LRRC28: variants seen among roughly 807,000 people sequenced by gnomAD.
LRRC28 encodes leucine-rich repeat-containing protein 28.
A neutral mutation model predicts 45.7 loss-of-function variants in LRRC28; 39 were observed. That is an observed-to-expected ratio of 0.85 (90% CI 0.66 to 1.12). The LOEUF is 1.12. Ranked by LOEUF, LRRC28 falls within the 50% of genes most tolerant of loss-of-function variation. LRRC28 has a pLI of 0.00. For missense variants in LRRC28, 435 were observed against 438.5 expected (o/e 0.99, Z 0.07); for synonymous variants, 206 against 178.8 (o/e 1.15, Z -1.22).
intron 5 of LRRC28, among the ~76,000 whole-genome samples, chr15:99,317,795 A>G (rs1955650369): frequency 6.6e-6 from 1 of 152,212 alleles, no homozygotes; most frequent in Non-Finnish European, 1.5e-5. Flanking sequence ...TGACTTATAA[A>G]ACACATGTCA....
In LRRC28 at chr15:99,386,309, CTG is replaced by C; in HGVS notation, c.*211_*212del. The C allele has an allele frequency of 2.0e-6, 1 of 505,044 alleles. No individual in the cohort carries two copies. The highest frequency in any genetic ancestry group is 3.5e-5 in the South Asian group (1 of 28,916). 31.3% of individuals were successfully genotyped at this position (505,044 alleles called of 1,614,324 possible). A position where few individuals can be genotyped will look rare whatever the true frequency, so the allele number is the denominator to read the frequency against. Reference sequence around the variant, plus strand: ...CCCAAATTAAGGACCCATTTGTCTTCTGTGTTTTTCCTTTTTATGTGAGTGTG... The same window carrying C: ...CCCAAATTAAGGACCCATTTGTCTTCTGTTTTTCCTTTTTATGTGAGTGTG... On this transcript the variant is annotated 3_prime_UTR_variant, in exon 10 of 10. Transcript: ENST00000301981.
In LRRC28 at chr15:99,386,134, G is replaced by T. The variant is rs773647642; in HGVS notation, c.*32G>T. 1.3e-5 allele frequency: 20 copies of T among 1,568,640 alleles called. No individual in the cohort carries two copies. Among genetic ancestry groups the T allele is most frequent in the Non-Finnish European group, 1.7e-5 (19 of 1,138,624 alleles). On this transcript the variant is annotated 3_prime_UTR_variant, in exon 10 of 10. Transcript: ENST00000301981. ...CTCAAGAACCTCAGGAGCGCTGCCA[G>T]CTTGACACTGGGGAATCCAGCCAGT...
intron 7 of LRRC28, among the ~76,000 whole-genome samples, chr15:99,354,607 CTGTT>C (rs142473470): frequency 0.019 from 2,935 of 152,326 alleles, 44 homozygotes; most frequent in Middle Eastern, 0.051. Context: ...AGCAACTACT[CTGTT>C]TGGTCACTGT....
rs754586317 is a variant in LRRC28, at chr15:99,363,162, T to C, written c.928T>C (p.Cys310Arg). ...LPRSLLELLH[C>R]PLGHCHRCSE... ...CAGAAGTCTCCTAGAGCTGCTGCAC[T>C]GCCCTCTGGGGCACTGTCATCGGTG... Residue 310 changes from cysteine to arginine, a missense_variant, in exon 9 of 10, where the codon TGC (cysteine) becomes CGC (arginine). By Grantham distance (180) the Cys-to-Arg change is radical. Coordinates refer to ENST00000301981, the MANE Select transcript of LRRC28 (RefSeq NM_144598.5). 1.2e-6 allele frequency: 2 copies of C among 1,614,058 alleles called. No individual in the cohort carries two copies. The highest frequency in any genetic ancestry group is 1.7e-6 in the Non-Finnish European group (2 of 1,179,902).
At chr15:99,367,296 T>C (rs76877126) in intron 9 of LRRC28, among the ~76,000 whole-genome samples, 237 of 152,332 alleles carry the variant, frequency 1.6e-3, no homozygotes, top group Non-Finnish European at 2.9e-3. Context: ...GACAGAGTAA[T>C]TGAGATTGGG....
intron 9 of LRRC28, among the ~76,000 whole-genome samples, chr15:99,371,074 C>G (rs1957471530): frequency 6.9e-6 from 1 of 145,872 alleles, no homozygotes; most frequent in East Asian, 2.0e-4. Flanking sequence ...CCACTGCACT[C>G]CAGGGTGGGT....
chr15:99,274,252 A>G (rs144011778), intron 2 of LRRC28, among the ~76,000 whole-genome samples: 59 of 152,378 alleles, frequency 3.9e-4, no homozygotes, highest in African/African-American at 1.4e-3. Flanking sequence ...GGATATGTAT[A>G]TATAAGCAGT....
intron 6 of LRRC28, among the ~76,000 whole-genome samples, chr15:99,336,480 T>G (rs1051462887): frequency 1.3e-5 from 2 of 152,222 alleles, no homozygotes; most frequent in South Asian, 4.1e-4. Context: ...TGAGCATCTT[T>G]TAGTTGTTGT....
At chr15:99,315,294 G>T (rs1404170287) in intron 5 of LRRC28, among the ~76,000 whole-genome samples, 1 of 148,110 alleles carries the variant, frequency 6.8e-6, no homozygotes, top group Admixed American at 6.7e-5. Flanking sequence ...ATTGTTTTAG[G>T]TGCTGTTTAG....
At chr15:99,255,860 A>C in intron 1 of LRRC28, 38 bp from the exon 2 acceptor site, 1 of 1,365,432 alleles carries the variant, frequency 7.3e-7, no homozygotes, top group Non-Finnish European at 9.8e-7. Flanking sequence ...TCTTGTAAAA[A>C]ATCTTACAAT....
chr15:99,279,437 T>C (rs1391128684), intron 3 of LRRC28, among the ~76,000 whole-genome samples: 1 of 152,212 alleles, frequency 6.6e-6, no homozygotes, highest in East Asian at 1.9e-4. Context: ...CAGTTTACAG[T>C]GGTTTTTGCC....
At chr15:99,288,141 G>C (rs547809925) in intron 5 of LRRC28, among the ~76,000 whole-genome samples, 190 bp downstream of exon 5, 2 of 152,282 alleles carry the variant, frequency 1.3e-5, no homozygotes, top group Non-Finnish European at 2.9e-5. Context: ...TAAGAAGGTA[G>C]AATTTATATT....
intron 2 of LRRC28, among the ~76,000 whole-genome samples, chr15:99,275,935 G>A (rs555592121): frequency 2.0e-5 from 3 of 152,140 alleles, no homozygotes; most frequent in Non-Finnish European, 2.9e-5. Context: ...GCAAGCAAGC[G>A]AAGCTTCATC....
intron 2 of LRRC28, among the ~76,000 whole-genome samples, chr15:99,260,222 A>G (rs2081157287): frequency 6.6e-6 from 1 of 152,160 alleles, no homozygotes. Context: ...AATTTGTACT[A>G]TTTAACTGAC....
intron 1 of LRRC28, among the ~76,000 whole-genome samples, chr15:99,253,149 C>G (rs889407668): frequency 1.0e-3 from 152 of 150,972 alleles, no homozygotes; most frequent in African/African-American, 3.6e-3. Context: ...AAGACTGAGT[C>G]TCGCTCTGTC....
At chr15:99,364,821 G>A (rs1277107845) in intron 9 of LRRC28, among the ~76,000 whole-genome samples, 1 of 152,020 alleles carries the variant, frequency 6.6e-6, no homozygotes, top group Non-Finnish European at 1.5e-5. Context: ...AAAAGCAAAT[G>A]TTAACTATTA....
intron 9 of LRRC28, among the ~76,000 whole-genome samples, chr15:99,374,302 A>T (rs7162764): frequency 0.28 from 42,743 of 152,118 alleles, 6,062 homozygotes; most frequent in East Asian, 0.37. Context: ...TCAGCATATA[A>T]ATCATTAAAC....
At chr15:99,309,637 G>C (rs926411654) in intron 5 of LRRC28, among the ~76,000 whole-genome samples, 1 of 152,180 alleles carries the variant, frequency 6.6e-6, no homozygotes, top group African/African-American at 2.4e-5. Context: ...TTGAACTCCT[G>C]ACTTCGTGAT....
chr15:99,321,933 A>G (rs566290231), intron 5 of LRRC28, among the ~76,000 whole-genome samples: 129 of 152,336 alleles, frequency 8.5e-4, no homozygotes, highest in African/African-American at 3.0e-3. Context: ...AATAAATAGG[A>G]TGCTACAATT....
Sources: gnomAD v4.1 joint callset for allele counts (sites outside exome capture counted in the v4.1 genomes callset) on GRCh38, gnomAD v4.1.1 for gene constraint, MANE v1.5 for transcripts, NCBI Gene and HGNC (gene_info 2026-07-23, HGNC 2026-07-21) for gene names.